Variants in MYO6 observed in about 807,000 individuals in gnomAD.
The protein encoded by MYO6 is myosin VI.
In MYO6, 74 loss-of-function variants were observed where a neutral mutation model predicts 178.7. That is an observed-to-expected ratio of 0.41 (90% CI 0.34 to 0.50). The LOEUF (loss-of-function observed/expected upper bound fraction) is 0.50, where lower values mean the gene tolerates loss of function less well. Ranked by LOEUF, MYO6 falls within the 20% of genes least tolerant of loss-of-function variation. The pLI is 0.09. For synonymous variants in MYO6, 477 were observed against 504.6 expected (o/e 0.95, Z 0.73); for missense variants, 1,330 against 1,547.4 (o/e 0.86, Z 2.36).
chr6:75,890,093 T>G lies in MYO6; in HGVS notation c.2695T>G (p.Tyr899Asp). 1.2e-6 allele frequency: 2 copies of G among 1,613,530 alleles called. No individual in the cohort carries two copies. Among genetic ancestry groups the G allele is most frequent in the South Asian group, 2.2e-5 (2 of 91,050 alleles). Reference protein sequence around the residue: ...MMTQEQIQKEYDALVKSSEEL... With the variant: ...MMTQEQIQKEDDALVKSSEEL... ...GACGCAGGAACAAATCCAGAAAGAA[T>G]ATGATGCACTGGTTAAAAGCTCAGA... The change falls in exon 26 of 35, where the codon TAT becomes GAT. Residue 899 changes from tyrosine (Y) to aspartate (D), a missense_variant. Tyr to Asp is a radical substitution (Grantham distance 160). This residue lies in a region of MYO6 where 601 missense variants were observed against 626.1 expected (regional missense o/e 0.96). Transcript: ENST00000369977.
rs72674544 is a variant in MYO6, at chr6:75,906,266, C to T, written c.3177-1339C>T. On this transcript the variant is annotated intron_variant, in intron 30 of 34. Transcript: ENST00000369977. ...TTACCTTGAGCTTAAAGTCTTGCAG[C>T]TTATTCTGAGTGTCTGCTATTTGCA... Among the ~76,000 whole-genome samples, 2,001 of 152,242 alleles carry T rather than the reference C, an allele frequency of 0.013. 76 individuals carry two copies. In the East Asian group the frequency reaches 0.15, roughly 11 times the overall value.
rs886061764 is a variant in MYO6 at position 75,915,160 on chromosome 6, T to C, written c.*148T>C. 4.6e-6 allele frequency: 4 copies of C among 864,592 alleles called. No individual in the cohort carries two copies. Among genetic ancestry groups the C allele is most frequent in the Admixed American group, 2.3e-5 (1 of 43,886 alleles). 53.6% of individuals were successfully genotyped at this position (864,592 alleles called of 1,614,324 possible). On this transcript the variant is annotated 3_prime_UTR_variant, in exon 35 of 35. Coordinates refer to ENST00000369977, the MANE Select transcript of MYO6 (RefSeq NM_004999.4). ...TTAATCACGGCTTTTGGTGAATTTG[T>C]TTAAGGTTAATTATGGTAGCAAATT...
rs181951394 is a variant in MYO6, at chr6:75,852,355, T to G, written c.1079-2784T>G. 1.1e-4 allele frequency among the ~76,000 whole-genome samples: 17 copies of G among 152,280 alleles called. No individual in the cohort carries two copies. The East Asian group carries it at 3.3e-3, about 29-fold the overall frequency. On this transcript the variant is annotated intron_variant, in intron 11 of 34. Coordinates refer to ENST00000369977, the MANE Select transcript of MYO6 (RefSeq NM_004999.4). ...TCTTTTTTTTTGGTAGGAGCTTTAT[T>G]GAGATCTAGTTAATATACCATACAG...
chr6:75,867,039 T>A lies in MYO6; in HGVS notation c.1878T>A (p.Asn626Lys), dbSNP rs764502582. 1 of 1,613,910 alleles carries A rather than the reference T, an allele frequency of 6.2e-7. No individual in the cohort carries two copies. Among genetic ancestry groups the A allele is most frequent in the East Asian group, 2.2e-5 (1 of 44,856 alleles). The change falls in exon 18 of 35, where the codon AAT becomes AAA. Residue 626 changes from asparagine (N) to lysine (K), a missense_variant. This residue lies in a region of MYO6 where 613 missense variants were observed against 816.8 expected (regional missense o/e 0.75). Transcript: ENST00000369977. ...GGGAATTATTTGAATCATCCACAAA[T>A]AACAACAAAGATACTAAACAAAAAG... ...FIRELFESSTNNNKDTKQKAG... is the reference protein window; with the variant it reads ...FIRELFESSTKNNKDTKQKAG...
intron 1 of MYO6, among the ~76,000 whole-genome samples, chr6:75,810,083 C>CAAA (rs60265510): frequency 6.5e-5 from 5 of 76,992 alleles, no homozygotes; most frequent in East Asian, 3.0e-4. Flanking sequence ...GACTCTGTCT[C>CAAA]AAAAAAAAAA....
rs529866674 is a variant in MYO6, at chr6:75,897,585, T to C, written c.3138-788T>C. Among the ~76,000 whole-genome samples the C allele has an allele frequency of 1.4e-4, 21 of 152,324 alleles. No individual in the cohort carries two copies. In the East Asian group the frequency reaches 3.5e-3, roughly 25 times the overall value. On this transcript the variant is annotated intron_variant, in intron 29 of 34. Transcript: ENST00000369977. The stretch of plus-strand genomic sequence containing the variant: ...CAAATACACCCATCTTCTTTTCTTA[T>C]GATTTTACTGATTTGGAAGGGTTTG...
chr6:75,868,208 G>GA, intron 18 of MYO6, among the ~76,000 whole-genome samples: 1 of 151,438 alleles, frequency 6.6e-6, no homozygotes, highest in Non-Finnish European at 1.5e-5. Flanking sequence ...TAAATATAGG[G>GA]AAAAACCTCA....
chr6:75,785,584 C>T (rs1203774961), intron 1 of MYO6, among the ~76,000 whole-genome samples: 4 of 150,886 alleles, frequency 2.7e-5, no homozygotes, highest in South Asian at 2.1e-4. Flanking sequence ...GCGATCGTCC[C>T]GTGGAGCTAG....
intron 15 of MYO6, 133 bp downstream of exon 15, chr6:75,861,228 C>T (rs1203266994): frequency 6.7e-6 from 5 of 743,982 alleles, no homozygotes; most frequent in East Asian, 2.6e-5. Flanking sequence ...AAGGTTACTT[C>T]TGTATTACTG....
intron 2 of MYO6, among the ~76,000 whole-genome samples, chr6:75,820,626 C>T (rs886710023): frequency 1.3e-5 from 2 of 152,152 alleles, no homozygotes; most frequent in Non-Finnish European, 2.9e-5. Flanking sequence ...CTGCCTGGGG[C>T]TCCCAAAGTA....
At chr6:75,882,533 A>G (rs1438265236) in intron 23 of MYO6, among the ~76,000 whole-genome samples, 2 of 152,188 alleles carry the variant, frequency 1.3e-5, no homozygotes, top group East Asian at 3.8e-4. Context: ...CATAATCCTG[A>G]AAGACACTGT....
At position 75,895,224 on chromosome 6, in the gene MYO6, T is replaced by G; in HGVS notation, c.3108-7T>G. The G allele has an allele frequency of 6.2e-7, 1 of 1,600,280 alleles. No homozygotes were observed. On this transcript the variant is annotated splice_polypyrimidine_tract_variant and splice_region_variant and intron_variant, in intron 28 of 34. Coordinates refer to ENST00000369977, the MANE Select transcript of MYO6 (RefSeq NM_004999.4). ...ACGATATTAACTAAAATATATTCTT[T>G]TCACAGAAATGATGGAACAAGACCC...
At chr6:75,772,661 G>A (rs1409688078) in intron 1 of MYO6, among the ~76,000 whole-genome samples, 4 of 152,160 alleles carry the variant, frequency 2.6e-5, no homozygotes, top group Non-Finnish European at 5.9e-5. Context: ...TCACCTTCAG[G>A]TATAGGTGGA....
At chr6:75,892,716 A>T (rs1337146780) in intron 28 of MYO6, 26 bp downstream of exon 28, 13 of 1,611,424 alleles carry the variant, frequency 8.1e-6, no homozygotes, top group South Asian at 3.3e-5. Flanking sequence ...GGTGGGGTAT[A>T]GCGCTCTCTC....
intron 1 of MYO6, among the ~76,000 whole-genome samples, chr6:75,791,359 A>C (rs1768229394): frequency 6.6e-6 from 1 of 152,234 alleles, no homozygotes; most frequent in East Asian, 1.9e-4. Context: ...TGTTTTAAAG[A>C]ATTATGACTT....
intron 33 of MYO6, among the ~76,000 whole-genome samples, chr6:75,912,132 T>G (rs1361270611): frequency 6.6e-6 from 1 of 152,010 alleles, no homozygotes; most frequent in Non-Finnish European, 1.5e-5. Flanking sequence ...AATGTGATAG[T>G]GTATAAAGGT....
intron 1 of MYO6, among the ~76,000 whole-genome samples, chr6:75,779,077 AAAAAAG>A: frequency 6.7e-6 from 1 of 149,684 alleles, no homozygotes; most frequent in South Asian, 2.1e-4. Flanking sequence ...AAAAAAAAAA[AAAAAAG>A]AGATAGGGTT....
intron 10 of MYO6, among the ~76,000 whole-genome samples, chr6:75,847,511 TTTC>T (rs35858387): frequency 6.6e-6 from 1 of 151,934 alleles, no homozygotes; most frequent in African/African-American, 2.4e-5. Flanking sequence ...CAGTCCTGAC[TTTC>T]TTCTTTTTTT....
chr6:75,896,253 C>T, intron 29 of MYO6, among the ~76,000 whole-genome samples: 1 of 152,034 alleles, frequency 6.6e-6, no homozygotes, highest in Non-Finnish European at 1.5e-5. Context: ...AAACAACTCT[C>T]CAAACAATAT....
Sources: allele counts gnomAD v4.1 joint callset (sites outside exome capture counted in the v4.1 genomes callset), GRCh38; gene constraint gnomAD v4.1.1; regional missense constraint gnomAD v4.1.1; transcripts MANE v1.5; gene names NCBI Gene and HGNC (gene_info 2026-07-23, HGNC 2026-07-21).